Variants in LRMDA observed in about 807,000 individuals in gnomAD.
LRMDA encodes leucine rich melanocyte differentiation associated, also known as leucine-rich melanocyte differentiation-associated protein.
A neutral mutation model predicts 29.8 loss-of-function variants in LRMDA; 18 were observed. That is an observed-to-expected ratio of 0.60 (90% confidence interval 0.42 to 0.90). The LOEUF is 0.90. LRMDA is among the 40% of genes least tolerant of loss of function. The pLI is 0.00. For missense variants in LRMDA, 273 were observed against 273.9 expected (o/e 1.00, Z 0.02); for synonymous variants, 125 against 109.4 (o/e 1.14, Z -0.89).
chr10:75,583,219 T>G (rs535247959), intron 2 of LRMDA, among the ~76,000 whole-genome samples: 1 of 152,344 alleles, frequency 6.6e-6, no homozygotes, highest in South Asian at 2.1e-4. Context: ...GCCCTGCTGC[T>G]TGGCACCAAT....
intron 2 of LRMDA, among the ~76,000 whole-genome samples, chr10:75,788,944 A>G (rs1843520828): frequency 6.6e-6 from 1 of 152,250 alleles, no homozygotes; most frequent in African/African-American, 2.4e-5. Flanking sequence ...GTTTCTGCAC[A>G]TGAACCAGCA....
intron 6 of LRMDA, among the ~76,000 whole-genome samples, chr10:76,422,950 C>T (rs183548420): frequency 2.5e-4 from 38 of 152,340 alleles, no homozygotes; most frequent in African/African-American, 8.4e-4. Flanking sequence ...GCTAACTGTA[C>T]AACTCAATCC....
intron 6 of LRMDA, among the ~76,000 whole-genome samples, chr10:76,462,680 C>T (rs896331701): frequency 6.6e-6 from 1 of 152,120 alleles, no homozygotes; most frequent in African/African-American, 2.4e-5. Context: ...GGAGCCGTTT[C>T]CAGCAGTACA....
At chr10:76,245,796 C>T (rs967061894) in intron 5 of LRMDA, among the ~76,000 whole-genome samples, 2 of 152,154 alleles carry the variant, frequency 1.3e-5, no homozygotes, top group Non-Finnish European at 2.9e-5. Flanking sequence ...ATACACCAGA[C>T]TGATGGAAAG....
At chr10:76,202,012 CT>C (rs1356971056) in intron 5 of LRMDA, among the ~76,000 whole-genome samples, 1 of 152,014 alleles carries the variant, frequency 6.6e-6, no homozygotes, top group Non-Finnish European at 1.5e-5. Flanking sequence ...TTCATGTGGC[CT>C]TTCCTTTTTC....
intron 2 of LRMDA, among the ~76,000 whole-genome samples, chr10:75,650,469 C>T (rs1841583565): frequency 6.8e-6 from 1 of 146,518 alleles, no homozygotes; most frequent in Non-Finnish European, 1.5e-5. Context: ...TTTTTGTCTC[C>T]CCCATTAAAT....
chr10:76,227,303 TTTTG>T (rs1441434824), intron 5 of LRMDA, among the ~76,000 whole-genome samples: 3 of 152,320 alleles, frequency 2.0e-5, no homozygotes, highest in Admixed American at 1.3e-4. Context: ...GTGGACTTTT[TTTTG>T]TTTATTTATT....
At chr10:75,502,680 T>C (rs1018389489) in intron 2 of LRMDA, among the ~76,000 whole-genome samples, 5 of 152,234 alleles carry the variant, frequency 3.3e-5, no homozygotes, top group Admixed American at 1.3e-4. Context: ...TGCTGTTTCT[T>C]CCAAAGGGTT....
intron 5 of LRMDA, among the ~76,000 whole-genome samples, chr10:76,221,961 G>A (rs930569838): frequency 1.1e-4 from 17 of 151,650 alleles, no homozygotes; most frequent in African/African-American, 3.6e-4. Context: ...CAGAAATAAC[G>A]CCACGTATCT....
At chr10:75,725,305 A>G (rs1189774437) in intron 2 of LRMDA, among the ~76,000 whole-genome samples, 8 of 152,194 alleles carry the variant, frequency 5.3e-5, no homozygotes, top group Admixed American at 5.2e-4. Flanking sequence ...CTGGATCAAA[A>G]TGGAGTTTAC....
chr10:75,822,966 A>G (rs1442418529), intron 2 of LRMDA, among the ~76,000 whole-genome samples: 1 of 152,218 alleles, frequency 6.6e-6, no homozygotes, highest in Non-Finnish European at 1.5e-5. Context: ...ATCTCTTACC[A>G]TATATAAAAA....
At chr10:75,858,563 G>T (rs1470054379) in intron 2 of LRMDA, among the ~76,000 whole-genome samples, 1 of 152,186 alleles carries the variant, frequency 6.6e-6, no homozygotes, top group South Asian at 2.1e-4. Context: ...AGTGGGAGAG[G>T]CTGGGATTAG....
chr10:75,671,832 A>T (rs1841894900), intron 2 of LRMDA, among the ~76,000 whole-genome samples: 1 of 152,146 alleles, frequency 6.6e-6, no homozygotes, highest in African/African-American at 2.4e-5. Context: ...TCCCTTGACG[A>T]TTCCTATCCC....
intron 6 of LRMDA, among the ~76,000 whole-genome samples, chr10:76,535,413 G>A (rs1843280008): frequency 2.0e-5 from 3 of 151,726 alleles, no homozygotes; most frequent in African/African-American, 4.9e-5. Flanking sequence ...GTTTGCAGAA[G>A]ATGCGTTGGC....
intron 6 of LRMDA, among the ~76,000 whole-genome samples, chr10:76,495,090 G>A (rs111809132): frequency 0.02 from 3,083 of 151,840 alleles, 122 homozygotes; most frequent in African/African-American, 0.072. Flanking sequence ...CCTAGTCCTG[G>A]ATCATGGGGA....
chr10:76,306,521 G>A (rs1432920750), intron 5 of LRMDA, among the ~76,000 whole-genome samples: 1 of 152,076 alleles, frequency 6.6e-6, no homozygotes, highest in African/African-American at 2.4e-5. Flanking sequence ...GATCTTCAGG[G>A]GCTTACCTAA....
At chr10:75,869,542 G>A (rs1243748332) in intron 2 of LRMDA, among the ~76,000 whole-genome samples, 1 of 152,074 alleles carries the variant, frequency 6.6e-6, no homozygotes, top group Non-Finnish European at 1.5e-5. Context: ...CTTCTATTCC[G>A]GTCATACCTG....
chr10:76,555,587 G>C (rs1183014276), intron 6 of LRMDA, among the ~76,000 whole-genome samples: 1 of 152,094 alleles, frequency 6.6e-6, no homozygotes, highest in Non-Finnish European at 1.5e-5. Context: ...TCCAAACCAG[G>C]GAGCATCTGC....
intron 6 of LRMDA, among the ~76,000 whole-genome samples, chr10:76,401,513 G>T (rs906182844): frequency 1.3e-5 from 2 of 152,168 alleles, no homozygotes; most frequent in Non-Finnish European, 2.9e-5. Flanking sequence ...AAGGTAGTGG[G>T]GTATATGCTA....
Sources: gnomAD v4.1 joint callset for allele counts (sites outside exome capture counted in the v4.1 genomes callset) on GRCh38, gnomAD v4.1.1 for gene constraint, MANE v1.5 for transcripts, NCBI Gene and HGNC (gene_info 2026-07-23, HGNC 2026-07-21) for gene names.